FBN1: variants seen among roughly 807,000 people sequenced by gnomAD.
FBN1 encodes the protein fibrillin-1.
FBN1 carries 29 observed loss-of-function variants against 365.1 expected under a neutral mutation model. The ratio of observed to expected loss-of-function variants is 0.08; its 90% CI spans 0.06 to 0.11. FBN1 has a LOEUF of 0.11. FBN1 is among the 10% of genes least tolerant of loss of function. The probability of loss-of-function intolerance (pLI) is 1.00; values close to 1 mark genes in which losing one functional copy is unlikely to be tolerated. For missense variants in FBN1, 2,476 were observed against 3,703.2 expected, an observed-to-expected ratio of 0.67 and a Z score of 8.60; for synonymous variants, 1,210 against 1,270.5, an observed-to-expected ratio of 0.95 and a Z score of 1.01.
At chr15:48,564,665 T>C (rs934538514) in intron 6 of FBN1, among the ~76,000 whole-genome samples, 32 of 152,206 alleles carry the variant, frequency 2.1e-4, no homozygotes, top group Admixed American at 6.5e-4. Flanking sequence ...TAAATCCTAG[T>C]TTCTCACTAT....
At chr15:48,460,442 ATAAAAAG>A (rs985963732) in intron 42 of FBN1, 125 bp from the exon 43 acceptor site, 44 of 692,976 alleles carry the variant, frequency 6.3e-5, no homozygotes, top group Non-Finnish European at 1.1e-4. Flanking sequence ...AGAATTTAAA[ATAAAAAG>A]TAAACCTGAA....
At chr15:48,520,910 G>A (rs2413907) in intron 9 of FBN1, 93 bp from the exon 10 acceptor site, 6 of 1,545,048 alleles carry the variant, frequency 3.9e-6, no homozygotes, top group Non-Finnish European at 5.3e-6. Context: ...ACTTCACACT[G>A]GGGCTACGGC....
At chr15:48,495,623 T>G in intron 20 of FBN1, 35 bp from the exon 21 acceptor site, 2 of 1,613,848 alleles carry the variant, frequency 1.2e-6, no homozygotes, top group Non-Finnish European at 1.7e-6. Flanking sequence ...ACTGCTAAAA[T>G]CTAGTCTTGG....
intron 6 of FBN1, among the ~76,000 whole-genome samples, chr15:48,573,292 T>A (rs1010232973): frequency 6.6e-6 from 1 of 152,222 alleles, no homozygotes; most frequent in African/African-American, 2.4e-5. Context: ...GCTCAAATTA[T>A]ACATTGGAAC....
At chr15:48,514,273 A>T (rs1566916436) in intron 12 of FBN1, among the ~76,000 whole-genome samples, 1 of 152,216 alleles carries the variant, frequency 6.6e-6, no homozygotes, top group African/African-American at 2.4e-5. Flanking sequence ...GAGGAAGCTA[A>T]AATTTAGCAA....
chr15:48,446,899 C>T, intron 46 of FBN1, 77 bp from the exon 47 acceptor site: 1 of 962,990 alleles, frequency 1.0e-6, no homozygotes, highest in Non-Finnish European at 1.7e-6. Flanking sequence ...GGCTAAAGAG[C>T]ATTTTAGGGT....
intron 11 of FBN1, among the ~76,000 whole-genome samples, chr15:48,515,940 C>T (rs956321932): frequency 3.9e-5 from 6 of 152,262 alleles, no homozygotes; most frequent in Non-Finnish European, 7.4e-5. Context: ...CCCATAGTTG[C>T]CTGAAAACAC....
intron 49 of FBN1, among the ~76,000 whole-genome samples, chr15:48,443,023 CCTT>C (rs2043128609): frequency 6.6e-6 from 1 of 152,130 alleles, no homozygotes; most frequent in African/African-American, 2.4e-5. Context: ...GAGAAATTAA[CCTT>C]ATTATCTTGA....
At chr15:48,596,885 C>G (rs1323178695) in intron 5 of FBN1, among the ~76,000 whole-genome samples, 5 of 152,192 alleles carry the variant, frequency 3.3e-5, no homozygotes, top group Non-Finnish European at 5.9e-5. Context: ...AGAGTTATAA[C>G]AGAACTTACG....
At position 48,495,208 on chromosome 15, in the gene FBN1, G is replaced by A. The variant is rs2043595554; in HGVS notation, c.2592C>T (p.Ile864=). ...WQTVIDGRCE[I]NINGATLKSQ... is the part of the protein sequence containing the mutation. ...ACTTTAAGGTGGCTCCATTGATGTT[G>A]ATCTCACATCGCCCATCAATGACAG... The change falls in exon 22 of 66, where the codon ATC becomes ATT. Residue 864 remains isoleucine, a synonymous_variant. Coordinates refer to ENST00000316623, the MANE Select transcript of FBN1 (RefSeq NM_000138.5). The A allele has an allele frequency of 6.2e-7, 1 of 1,614,040 alleles. No homozygotes were observed. Among genetic ancestry groups the A allele is most frequent in the Admixed American group, 1.7e-5 (1 of 60,006 alleles).
chr15:48,448,510 G>A (rs990191522), intron 46 of FBN1, among the ~76,000 whole-genome samples: 3 of 152,008 alleles, frequency 2.0e-5, no homozygotes, highest in African/African-American at 7.2e-5. Flanking sequence ...TAATATTTTT[G>A]TATTAATATC....
intron 2 of FBN1, among the ~76,000 whole-genome samples, chr15:48,620,121 C>T (rs1044775761): frequency 6.6e-6 from 1 of 152,182 alleles, no homozygotes; most frequent in African/African-American, 2.4e-5. Flanking sequence ...AACATAAAAA[C>T]ATTGCTGAGC....
At position 48,468,379 on chromosome 15, in the gene FBN1, G is replaced by A. The variant is rs778496027; in HGVS notation, c.4582+33C>T. On this transcript the variant is annotated intron_variant, in intron 37 of 65. Transcript: ENST00000316623. ...CTGTTTTCAAAATAATACACAGTAT[G>A]CTTGCTTCTCTGAAAAGTTTTTAAG... is the stretch of plus-strand genomic sequence containing the variant. 2.5e-6 allele frequency: 4 copies of A among 1,613,184 alleles called. No individual in the cohort carries two copies. The South Asian group carries it at 4.4e-5, about 18-fold the overall frequency.
chr15:48,494,143 A>G, intron 23 of FBN1, 61 bp downstream of exon 23: 2 of 1,319,062 alleles, frequency 1.5e-6, no homozygotes, highest in Non-Finnish European at 2.2e-6. Context: ...ATCCAGTCCG[A>G]GTTAACACAA....
intron 63 of FBN1, 64 bp from the exon 64 acceptor site, chr15:48,415,831 A>G (rs758706755): frequency 7.2e-7 from 1 of 1,395,202 alleles, no homozygotes. Context: ...AGGACATTGG[A>G]TCTGGCCACT....
intron 2 of FBN1, among the ~76,000 whole-genome samples, chr15:48,632,887 G>T (rs962853467): frequency 1.3e-5 from 2 of 152,182 alleles, no homozygotes; most frequent in African/African-American, 4.8e-5. Flanking sequence ...GAGCTCACAG[G>T]GTGGTAATGG....
At chr15:48,619,412 T>C (rs1173753824) in intron 2 of FBN1, among the ~76,000 whole-genome samples, 1 of 152,134 alleles carries the variant, frequency 6.6e-6, no homozygotes, top group Non-Finnish European at 1.5e-5. Flanking sequence ...GTGACTCTAT[T>C]ACGTTTTCCT....
At chr15:48,517,883 T>C (rs1210505390) in intron 10 of FBN1, among the ~76,000 whole-genome samples, 3 of 152,222 alleles carry the variant, frequency 2.0e-5, no homozygotes, top group East Asian at 1.9e-4. Flanking sequence ...ATTTAACTTA[T>C]TTTCAGACAG....
chr15:48,479,720 T>C (rs750159302), intron 32 of FBN1, among the ~76,000 whole-genome samples: 26 of 152,230 alleles, frequency 1.7e-4, no homozygotes, highest in Non-Finnish European at 2.6e-4. Context: ...CATGCAACTG[T>C]AGTGCACAGC....
Sources: gnomAD v4.1 joint callset for allele counts (sites outside exome capture counted in the v4.1 genomes callset) on GRCh38, gnomAD v4.1.1 for gene constraint, MANE v1.5 for transcripts, NCBI Gene and HGNC (gene_info 2026-07-23, HGNC 2026-07-21) for gene names.